ME1: variants seen among roughly 807,000 people sequenced by gnomAD.
The protein encoded by ME1 is NADP-dependent malic enzyme.
Under a neutral mutation model 66.4 loss-of-function variants are expected in ME1, and 74 were observed. That is an observed-to-expected ratio of 1.11 (90% CI 0.92 to 1.35). The LOEUF is 1.35. Ranked by LOEUF, ME1 falls within the 40% of genes most tolerant of loss-of-function variation. ME1 has a pLI of 0.00. For missense variants in ME1, 750 were observed against 694.1 expected, an observed-to-expected ratio of 1.08 and a Z score of -0.90; for synonymous variants, 251 against 235.6, an observed-to-expected ratio of 1.07 and a Z score of -0.60.
chr6:83,376,490 T>C (rs933865860), intron 3 of ME1, among the ~76,000 whole-genome samples: 3 of 131,138 alleles, frequency 2.3e-5, no homozygotes, highest in African/African-American at 8.6e-5. Context: ...AGTGAAACTC[T>C]GTCAAAAAAA....
Position 83,358,308 on chromosome 6 carries a change from A to G in ME1, c.363-6169T>C, listed in dbSNP as rs544508708. Reference sequence around the variant, plus strand: ...GGAGTTTAGTGACTCTATACCTAATATCTTTGAGCCTATGTGGTGAACCAA... The same window carrying G: ...GGAGTTTAGTGACTCTATACCTAATGTCTTTGAGCCTATGTGGTGAACCAA... On this transcript the variant is annotated intron_variant, in intron 3 of 13. Coordinates refer to ENST00000369705, the MANE Select transcript of ME1 (RefSeq NM_002395.6). 2.8e-3 allele frequency among the ~76,000 whole-genome samples: 433 copies of G among 152,230 alleles called. 2 individuals are homozygous for G. Among genetic ancestry groups the G allele is most frequent in the Non-Finnish European group, 3.6e-3 (248 of 68,010 alleles).
intron 7 of ME1, among the ~76,000 whole-genome samples, chr6:83,249,177 A>G (rs1181611039): frequency 3.9e-5 from 6 of 152,072 alleles, no homozygotes; most frequent in Non-Finnish European, 8.8e-5. Context: ...CGTTAAATGT[A>G]TATAGCTGCC....
intron 12 of ME1, among the ~76,000 whole-genome samples, chr6:83,222,216 C>A (rs1408083241): frequency 6.6e-6 from 1 of 152,174 alleles, no homozygotes; most frequent in Non-Finnish European, 1.5e-5. Flanking sequence ...AGTAATTAGA[C>A]ATCCATTTAT....
intron 6 of ME1, among the ~76,000 whole-genome samples, chr6:83,287,994 T>C (rs1292971831): frequency 3.3e-5 from 5 of 152,216 alleles, no homozygotes; most frequent in African/African-American, 9.6e-5. Flanking sequence ...CATTTTTTGA[T>C]GGGGTTGTTT....
At chr6:83,280,166 T>A (rs1018604024) in intron 6 of ME1, among the ~76,000 whole-genome samples, 1 of 152,124 alleles carries the variant, frequency 6.6e-6, no homozygotes, top group African/African-American at 2.4e-5. Flanking sequence ...TAGATCCACA[T>A]AAAGAAAGGA....
intron 5 of ME1, among the ~76,000 whole-genome samples, chr6:83,339,838 G>C (rs1201154441): frequency 2.6e-5 from 3 of 113,900 alleles, no homozygotes; most frequent in Admixed American, 1.9e-4. Flanking sequence ...GGGGAGGGGG[G>C]AGGGATAGCA....
At chr6:83,240,570 T>A (rs996340693) in intron 7 of ME1, among the ~76,000 whole-genome samples, 1 of 152,102 alleles carries the variant, frequency 6.6e-6, no homozygotes, top group African/African-American at 2.4e-5. Context: ...AGCAGCAGCT[T>A]CTTGCAACAC....
rs116565787 is a variant in ME1, at chr6:83,267,056, T to C, written c.705-13318A>G. ...CCATAATCTGATTAACAAAGCTATA[T>C]TGTAGGTAGTTTATCTTTTAGGAAG... On this transcript the variant is annotated intron_variant, in intron 6 of 13. Transcript: ENST00000369705. Among the ~76,000 whole-genome samples the C allele has an allele frequency of 6.6e-3, 1,008 of 152,344 alleles. 8 individuals carry two copies. The highest frequency in any genetic ancestry group is 0.023 in the African/African-American group (967 of 41,590).
intron 6 of ME1, among the ~76,000 whole-genome samples, chr6:83,313,999 A>G (rs1402067386): frequency 6.6e-6 from 1 of 152,206 alleles, no homozygotes; most frequent in African/African-American, 2.4e-5. Flanking sequence ...ATAAAAAGAA[A>G]CCAGAAGTGC....
At chr6:83,354,419 A>G (rs975328509) in intron 3 of ME1, among the ~76,000 whole-genome samples, 3 of 152,238 alleles carry the variant, frequency 2.0e-5, no homozygotes, top group Non-Finnish European at 4.4e-5. Flanking sequence ...GGCGTGAGCT[A>G]CGGCACTTGG....
intron 3 of ME1, among the ~76,000 whole-genome samples, chr6:83,372,174 G>C (rs1052036118): frequency 9.2e-5 from 14 of 152,146 alleles, no homozygotes; most frequent in African/African-American, 3.4e-4. Flanking sequence ...CTCCCGTAGA[G>C]AAGTGGGGTC....
intron 3 of ME1, among the ~76,000 whole-genome samples, chr6:83,375,772 A>G (rs990774272): frequency 6.6e-6 from 1 of 152,162 alleles, no homozygotes; most frequent in African/African-American, 2.4e-5. Context: ...TGTTCCATCA[A>G]TACTTAGTTT....
chr6:83,240,342 T>G (rs1386204155), intron 7 of ME1, among the ~76,000 whole-genome samples: 1 of 152,078 alleles, frequency 6.6e-6, no homozygotes, highest in Non-Finnish European at 1.5e-5. Flanking sequence ...TAATAGACTT[T>G]TTACCTATGA....
At chr6:83,330,038 C>A (rs1283376088) in intron 5 of ME1, among the ~76,000 whole-genome samples, 1 of 152,100 alleles carries the variant, frequency 6.6e-6, no homozygotes, top group Admixed American at 6.6e-5. Context: ...CCAGGCTGGT[C>A]TTGAACTCCT....
chr6:83,397,670 A>G (rs190594587), intron 3 of ME1, among the ~76,000 whole-genome samples: 17 of 152,276 alleles, frequency 1.1e-4, no homozygotes, highest in Non-Finnish European at 2.2e-4. Context: ...AGATATCTGC[A>G]CTCACTCCCA....
intron 1 of ME1, among the ~76,000 whole-genome samples, chr6:83,408,560 TA>T (rs1249148700): frequency 6.6e-6 from 1 of 152,242 alleles, no homozygotes; most frequent in Admixed American, 6.5e-5. Flanking sequence ...ACCCTATTAT[TA>T]TACCTATGTT....
intron 13 of ME1, 126 bp downstream of exon 13, chr6:83,216,372 T>C: frequency 1.4e-6 from 1 of 725,522 alleles, no homozygotes; most frequent in African/African-American, 1.8e-5. Context: ...CTCATTTCTC[T>C]GACTTCTGAC....
chr6:83,350,971 CAAAAAAAAA>C (rs34259968), intron 4 of ME1, among the ~76,000 whole-genome samples: 5 of 55,794 alleles, frequency 9.0e-5, no homozygotes, highest in African/African-American at 2.5e-4. Context: ...GTGGAGAAAG[CAAAAAAAAA>C]AAAAAAAAAA....
intron 3 of ME1, among the ~76,000 whole-genome samples, chr6:83,397,213 T>C (rs1769750337): frequency 6.6e-6 from 1 of 152,110 alleles, no homozygotes; most frequent in African/African-American, 2.4e-5. Flanking sequence ...GGAGAGAATA[T>C]CTGTGAACCA....
Sources: allele counts gnomAD v4.1 joint callset (sites outside exome capture counted in the v4.1 genomes callset), GRCh38; gene constraint gnomAD v4.1.1; transcripts MANE v1.5; gene names NCBI Gene and HGNC (gene_info 2026-07-23, HGNC 2026-07-21).